FNBP1: variants seen among roughly 807,000 people sequenced by gnomAD.
FNBP1 encodes the protein formin binding protein 1, also known as formin-binding protein 1.
In FNBP1, 26 loss-of-function variants were observed where a neutral mutation model predicts 90.6. That is an observed-to-expected ratio of 0.29 (90% CI 0.21 to 0.40). The LOEUF is 0.40. FNBP1 is among the 10% of genes least tolerant of loss of function. The pLI is 1.00. For missense variants in FNBP1, 635 were observed against 768.0 expected, an observed-to-expected ratio of 0.83 and a Z score of 2.05; for synonymous variants, 260 against 265.2, an observed-to-expected ratio of 0.98 and a Z score of 0.19.
At chr9:129,938,122 C>T (rs897936442) in intron 6 of FNBP1, among the ~76,000 whole-genome samples, 143 of 152,226 alleles carry the variant, frequency 9.4e-4, no homozygotes, top group African/African-American at 3.3e-3. Context: ...GAGATTGAGC[C>T]ACTGCACTCC....
At chr9:129,958,342 G>GA (rs1174779232) in intron 5 of FNBP1, 149 bp downstream of exon 5, 1 of 607,312 alleles carries the variant, frequency 1.6e-6, no homozygotes, top group African/African-American at 1.9e-5. Flanking sequence ...TGAGGCAGGA[G>GA]AATCACTTGA....
At chr9:130,015,572 T>A (rs1431401291) in intron 1 of FNBP1, among the ~76,000 whole-genome samples, 1 of 152,176 alleles carries the variant, frequency 6.6e-6, no homozygotes, top group Non-Finnish European at 1.5e-5. Context: ...TATACAAGGA[T>A]CCCTAACTTG....
intron 8 of FNBP1, among the ~76,000 whole-genome samples, chr9:129,926,333 G>A (rs1209484522): frequency 1.3e-5 from 2 of 152,146 alleles, no homozygotes; most frequent in African/African-American, 4.8e-5. Context: ...GCCTATGCTG[G>A]TGTTCTAGTT....
chr9:129,948,564 C>T (rs1300267271), intron 6 of FNBP1, among the ~76,000 whole-genome samples: 5 of 149,102 alleles, frequency 3.4e-5, no homozygotes, highest in Admixed American at 2.0e-4. Flanking sequence ...TTTTTCAAGA[C>T]GGAGTTTTGC....
chr9:130,015,598 G>C (rs2057148098), intron 1 of FNBP1, among the ~76,000 whole-genome samples: 1 of 152,186 alleles, frequency 6.6e-6, no homozygotes, highest in African/African-American at 2.4e-5. Context: ...CCCTGACTAG[G>C]ACTGAATACT....
intron 10 of FNBP1, among the ~76,000 whole-genome samples, chr9:129,919,509 A>G (rs149026292): frequency 3.3e-5 from 5 of 152,304 alleles, no homozygotes; most frequent in African/African-American, 1.2e-4. Flanking sequence ...ATCTAGTTTC[A>G]TTTTTCTTCA....
intron 2 of FNBP1, among the ~76,000 whole-genome samples, chr9:129,994,492 T>C (rs1281870116): frequency 2.0e-5 from 3 of 152,186 alleles, no homozygotes; most frequent in Non-Finnish European, 4.4e-5. Context: ...TACATGAGTG[T>C]GTTCACACTG....
At chr9:129,942,144 TCTAG>T (rs1202307643) in intron 6 of FNBP1, among the ~76,000 whole-genome samples, 11 of 151,182 alleles carry the variant, frequency 7.3e-5, no homozygotes, top group Admixed American at 6.6e-4. Flanking sequence ...GAATTCTATA[TCTAG>T]CTAAACTATC....
chr9:130,039,185 G>A (rs1377648791), intron 1 of FNBP1, among the ~76,000 whole-genome samples: 1 of 152,158 alleles, frequency 6.6e-6, no homozygotes, highest in East Asian at 1.9e-4. Context: ...CAAGCTAGAG[G>A]TAAAACCTAC....
intron 6 of FNBP1, among the ~76,000 whole-genome samples, chr9:129,933,821 G>T (rs985586572): frequency 2.6e-5 from 4 of 152,068 alleles, no homozygotes; most frequent in Admixed American, 6.5e-5. Flanking sequence ...CTCCAAAGCC[G>T]CAGCAAAAAG....
At chr9:129,908,824 A>G (rs2038676413) in intron 12 of FNBP1, 66 bp downstream of exon 12, 3 of 1,036,274 alleles carry the variant, frequency 2.9e-6, no homozygotes, top group Non-Finnish European at 4.4e-6. Context: ...AAGTGCTGGG[A>G]TTACAGGTTG....
At chr9:129,981,210 CCCGAGTACCTGGGATTG>C (rs1360218778) in intron 2 of FNBP1, among the ~76,000 whole-genome samples, 2 of 152,094 alleles carry the variant, frequency 1.3e-5, no homozygotes, top group Non-Finnish European at 1.5e-5. Context: ...TGCCTCGCCT[CCCGAGTACCTGGGATTG>C]CAGGCATACA....
intron 1 of FNBP1, among the ~76,000 whole-genome samples, chr9:130,012,420 G>A (rs535997297): frequency 2.2e-4 from 34 of 152,164 alleles, no homozygotes; most frequent in African/African-American, 7.0e-4. Flanking sequence ...ATCAACCAGT[G>A]GGGAAAGAAC....
chr9:129,944,537 C>A (rs1253175615), intron 6 of FNBP1, among the ~76,000 whole-genome samples: 3 of 43,358 alleles, frequency 6.9e-5, no homozygotes, highest in African/African-American at 2.3e-4. Flanking sequence ...GAGACTGCGT[C>A]TCAAAAAAAA....
intron 1 of FNBP1, among the ~76,000 whole-genome samples, chr9:130,026,957 C>T (rs1230722425): frequency 1.3e-5 from 2 of 149,104 alleles, no homozygotes; most frequent in Non-Finnish European, 3.0e-5. Flanking sequence ...CAGAGCCAGA[C>T]CCTGTCTCAA....
At chr9:129,935,249 C>T (rs935901891) in intron 6 of FNBP1, among the ~76,000 whole-genome samples, 2 of 151,476 alleles carry the variant, frequency 1.3e-5, no homozygotes, top group Admixed American at 1.3e-4. Flanking sequence ...TGAGCCTCCC[C>T]AAATGCTGGG....
rs921951684 is a variant in FNBP1 at position 129,895,497 on chromosome 9, A to C, written c.1846+341T>G. The C allele has an allele frequency of 8.3e-5, 98 of 1,177,682 alleles. No individual in the cohort carries two copies. In the African/African-American group the frequency reaches 1.5e-3, roughly 17 times the overall value. 73.0% of individuals were successfully genotyped at this position (1,177,682 alleles called of 1,614,324 possible). On this transcript the variant is annotated intron_variant, in intron 16 of 16. Transcript: ENST00000446176. ...GATGCGTGCCGGCTTTTAAATTCAG[A>C]AAGATGAGAAGCTACAATGCAACTT...
Position 129,923,911 on chromosome 9 carries a change from G to GC in FNBP1, c.1102_1103insG (p.Ser368CysfsTer41). On this transcript the variant is annotated frameshift_variant, in exon 10 of 17. Transcript: ENST00000446176. LOFTEE classifies it high-confidence loss of function. Reference sequence around the variant, plus strand: ...GGTCATGAACTCGTTGAAGCGATGGGAGAGGGGTTCCTTTTGCTGCTTGGG... The same window carrying GC: ...GGTCATGAACTCGTTGAAGCGATGGGCAGAGGGGTTCCTTTTGCTGCTTGGG... 1 of 1,601,084 alleles carries GC rather than the reference G, an allele frequency of 6.2e-7. No homozygotes were observed. Among genetic ancestry groups the GC allele is most frequent in the Non-Finnish European group, 8.5e-7 (1 of 1,175,138 alleles).
intron 1 of FNBP1, chr9:130,013,635 A>G (rs1043719870): frequency 4.4e-6 from 2 of 449,920 alleles, no homozygotes; most frequent in African/African-American, 2.0e-5. Flanking sequence ...ACCAAGAGAC[A>G]TGCATATGAA....
Sources: gnomAD v4.1 joint callset for allele counts (sites outside exome capture counted in the v4.1 genomes callset) on GRCh38, gnomAD v4.1.1 for gene constraint, MANE v1.5 for transcripts, NCBI Gene and HGNC (gene_info 2026-07-23, HGNC 2026-07-21) for gene names.